Variants in SLC11A2 observed in about 807,000 individuals in gnomAD.
SLC11A2 encodes the protein solute carrier family 11 member 2, also known as natural resistance-associated macrophage protein 2.
SLC11A2 carries 38 observed loss-of-function variants against 68.0 expected under a neutral mutation model. The ratio of observed to expected loss-of-function variants is 0.56; its 90% CI spans 0.43 to 0.73. The LOEUF (loss-of-function observed/expected upper bound fraction) is 0.73. SLC11A2 is among the 30% of genes least tolerant of loss of function. SLC11A2 has a pLI of 0.00. For synonymous variants in SLC11A2, 242 were observed against 250.6 expected, an observed-to-expected ratio of 0.97 and a Z score of 0.32; for missense variants, 517 against 690.5, an observed-to-expected ratio of 0.75 and a Z score of 2.82.
At chr12:51,019,719 C>T (rs1943907979) in intron 1 of SLC11A2, among the ~76,000 whole-genome samples, 2 of 150,022 alleles carry the variant, frequency 1.3e-5, no homozygotes, top group African/African-American at 4.9e-5. Flanking sequence ...GTGGTCTCAG[C>T]TCACTGTAGC....
the SLC11A2 span, among the ~76,000 whole-genome samples, chr12:50,965,493 C>G: frequency 0.028 from 4,295 of 152,034 alleles, 209 homozygotes; most frequent in African/African-American, 0.099. Flanking sequence ...GGTCAGGGGA[C>G]CAGTGTAAGA....
rs572570102 is a variant in SLC11A2 at position 50,987,671 on chromosome 12, T to C, written c.*654A>G. 1.7e-5 allele frequency: 22 copies of C among 1,286,556 alleles called. 1 individual carries two copies. The East Asian group carries it at 1.1e-3, about 62-fold the overall frequency. 79.7% of individuals were successfully genotyped at this position (1,286,556 alleles called of 1,614,324 possible). A position where few individuals can be genotyped will look rare whatever the true frequency, so the allele number is the denominator to read the frequency against. ...GTAATTAGTAAGCACCACCTAGCGA[T>C]GTGGTGCTGGTTTTGTTAGTTGTCA... On this transcript the variant is annotated 3_prime_UTR_variant, in exon 16 of 16. Transcript: ENST00000262052.
intron 5 of SLC11A2, 76 bp downstream of exon 5, chr12:51,004,712 G>T: frequency 6.5e-7 from 1 of 1,550,036 alleles, no homozygotes; most frequent in South Asian, 1.1e-5. Flanking sequence ...ACTATAGAAT[G>T]AGGCCAGCAC....
chr12:51,010,689 A>G lies in SLC11A2; in HGVS notation c.34+6T>C. 1 of 1,517,662 alleles carries G rather than the reference A, an allele frequency of 6.6e-7. No individual in the cohort carries two copies. Among genetic ancestry groups the G allele is most frequent in the Non-Finnish European group, 9.2e-7 (1 of 1,090,732 alleles). 94.0% of individuals were successfully genotyped at this position (1,517,662 alleles called of 1,614,324 possible). A position where few individuals can be genotyped will look rare whatever the true frequency, so the allele number is the denominator to read the frequency against. On this transcript the variant is annotated splice_donor_region_variant and intron_variant, in intron 2 of 15. Transcript: ENST00000262052. ...AATTAGACAATAACACAAAGCGGTA[A>G]ATTACCATCTGACATCTTCTGTTCA...
intron 1 of SLC11A2, among the ~76,000 whole-genome samples, chr12:51,020,595 G>GTCTC (rs144314513): frequency 6.7e-6 from 1 of 150,124 alleles, no homozygotes; most frequent in African/African-American, 2.4e-5. Context: ...ACATGAACCA[G>GTCTC]TCTCTCTCTC....
chr12:50,971,302 G>A, the SLC11A2 span, among the ~76,000 whole-genome samples: 2 of 152,154 alleles, frequency 1.3e-5, no homozygotes, highest in African/African-American at 4.8e-5. Context: ...GACATCAGAG[G>A]AGAATGGTCA....
chr12:50,969,961 C>A, the SLC11A2 span, among the ~76,000 whole-genome samples: 30 of 152,180 alleles, frequency 2.0e-4, no homozygotes, highest in East Asian at 5.6e-3. Context: ...CTACTTCCCC[C>A]TTTCTGCATG....
intron 14 of SLC11A2, 169 bp downstream of exon 14, chr12:50,991,430 T>C: frequency 1.5e-6 from 1 of 650,360 alleles, no homozygotes; most frequent in Non-Finnish European, 2.8e-6. Flanking sequence ...TTTCTCTTCC[T>C]TTACTATATT....
rs1477754971 is a variant in SLC11A2, at chr12:50,986,233, T to C, written c.*2092A>G. The C allele has an allele frequency of 1.6e-5, 21 of 1,283,694 alleles. No individual in the cohort carries two copies. In the South Asian group the frequency reaches 1.7e-4, roughly 11 times the overall value. 79.5% of individuals were successfully genotyped at this position (1,283,694 alleles called of 1,614,324 possible). A position where few individuals can be genotyped will look rare whatever the true frequency, so the allele number is the denominator to read the frequency against. ...ATTGTATATCCTTAAACATTCCACA[T>C]AAACACACTGTCAAAACTCACTGGA... On this transcript the variant is annotated 3_prime_UTR_variant, in exon 16 of 16. Transcript: ENST00000262052.
downstream of SLC11A2, among the ~76,000 whole-genome samples, chr12:50,985,692 A>G (rs920828666): frequency 1.3e-5 from 2 of 152,218 alleles, no homozygotes. Context: ...CTTAGAGAAA[A>G]GCAGAATAAA....
At chr12:50,979,768 G>T (rs943968056), downstream of SLC11A2, 1 of 438,096 alleles carries the variant, frequency 2.3e-6, no homozygotes, top group Non-Finnish European at 4.6e-6. Flanking sequence ...GATTATAAAC[G>T]AACATAGGCA....
downstream of SLC11A2, chr12:50,979,640 T>C: frequency 2.8e-6 from 1 of 356,236 alleles, no homozygotes; most frequent in Non-Finnish European, 5.5e-6. Context: ...AGAAGGACTC[T>C]ATAGCCTGAG....
At chr12:51,009,460 G>T in intron 2 of SLC11A2, 1 of 175,582 alleles carries the variant, frequency 5.7e-6, no homozygotes, top group Non-Finnish European at 1.1e-5. Context: ...TGGCTATTTT[G>T]AATCACAAAG....
intron 15 of SLC11A2, 104 bp from the exon 16 acceptor site, chr12:50,988,539 A>G: frequency 1.3e-6 from 2 of 1,551,118 alleles, no homozygotes; most frequent in South Asian, 1.2e-5. Flanking sequence ...TTGAACATCC[A>G]GCTGTGCCCA....
Position 50,986,099 on chromosome 12 carries a change from GGAGCCAAGA to G in SLC11A2, c.*2217_*2225del, listed in dbSNP as rs1940518806. The G allele has an allele frequency of 7.8e-7, 1 of 1,286,304 alleles. No homozygotes were observed. The allele number at this position is 1,286,304 out of a possible 1,614,324, so 79.7% of individuals were successfully genotyped here. A position where few individuals can be genotyped will look rare whatever the true frequency, so the allele number is the denominator to read the frequency against. On this transcript the variant is annotated 3_prime_UTR_variant, in exon 16 of 16. Transcript: ENST00000262052. ...CTAACACCACTAGCAGAACCTCAAG[GGAGCCAAGA>G]GCTCTTCCCTTTTCCCCTGTTAATT... is the stretch of plus-strand genomic sequence containing the variant.
At chr12:50,985,658 A>G (rs60562083), downstream of SLC11A2, among the ~76,000 whole-genome samples, 982 of 152,334 alleles carry the variant, frequency 6.4e-3, 12 homozygotes, top group African/African-American at 0.022. Context: ...ACAGTGAAAT[A>G]AGCTACAGGT....
intron 5 of SLC11A2, among the ~76,000 whole-genome samples, chr12:51,001,643 A>T: frequency 6.6e-6 from 1 of 151,818 alleles, no homozygotes; most frequent in Non-Finnish European, 1.5e-5. Flanking sequence ...ATCCATCTCC[A>T]AACCTAAAAT....
chr12:50,976,883 A>C (rs1259434950), downstream of SLC11A2, among the ~76,000 whole-genome samples: 1 of 152,068 alleles, frequency 6.6e-6, no homozygotes, highest in Admixed American at 6.6e-5. Context: ...CATGAGTGAA[A>C]TCCCATTCAC....
chr12:51,027,162 C>A (rs567137420), upstream of SLC11A2, among the ~76,000 whole-genome samples: 7 of 118,200 alleles, frequency 5.9e-5, no homozygotes, highest in South Asian at 1.6e-3. Flanking sequence ...GAAACAAGAG[C>A]GAAAACTCCG....
Sources: allele counts gnomAD v4.1 joint callset (sites outside exome capture counted in the v4.1 genomes callset), GRCh38; gene constraint gnomAD v4.1.1; transcripts MANE v1.5; gene names NCBI Gene and HGNC (gene_info 2026-07-23, HGNC 2026-07-21).